BRD4: variants seen among roughly 807,000 people sequenced by gnomAD.
BRD4 encodes the protein bromodomain-containing protein 4.
BRD4 carries 16 observed loss-of-function variants against 142.1 expected under a neutral mutation model. That is an observed-to-expected ratio of 0.11 (90% CI 0.08 to 0.17). The LOEUF is 0.17. Ranked by LOEUF, BRD4 falls within the 10% of genes least tolerant of loss-of-function variation. The pLI is 1.00. For missense variants in BRD4, 1,424 were observed against 1,810.9 expected, an observed-to-expected ratio of 0.79 and a Z score of 3.88; for synonymous variants, 833 against 707.5, an observed-to-expected ratio of 1.18 and a Z score of -2.82.
intron 3 of BRD4, 126 bp from the exon 4 acceptor site, chr19:15,267,677 G>T (rs980802550): frequency 2.8e-6 from 3 of 1,082,462 alleles, no homozygotes; most frequent in Non-Finnish European, 3.9e-6. Context: ...GTCCTTCCCC[G>T]ATCTGCACCC....
Position 15,235,600 on chromosome 19 carries a change from A to G in BRD4, c.*2777T>C, listed in dbSNP as rs1440534104. On this transcript the variant is annotated 3_prime_UTR_variant, in exon 20 of 20. Transcript: ENST00000679869. ...AAAAAAACCTTTCGTATGTAAGTGA[A>G]AAGTCTACGAATTCCCTTCTACAAA... 6.6e-6 allele frequency: 1 copy of G among 152,194 alleles called. No homozygotes were observed. Among genetic ancestry groups the G allele is most frequent in the Non-Finnish European group, 1.5e-5 (1 of 68,048 alleles). The allele number at this position is 152,194 out of a possible 1,614,324, so 9.4% of individuals were successfully genotyped here. A position where few individuals can be genotyped will look rare whatever the true frequency, so the allele number is the denominator to read the frequency against.
chr19:15,315,751 G>A (rs1318513258), intron 1 of BRD4, among the ~76,000 whole-genome samples: 2 of 152,012 alleles, frequency 1.3e-5, no homozygotes, highest in African/African-American at 2.4e-5. Flanking sequence ...AGCTACTTGG[G>A]AGGCTGAGGC....
intron 12 of BRD4, 48 bp from the exon 13 acceptor site, chr19:15,244,648 A>G (rs1241134281): frequency 6.2e-7 from 1 of 1,613,924 alleles, no homozygotes; most frequent in East Asian, 2.2e-5. Context: ...TCAGGCAGGC[A>G]GAACTGGCCC....
chr19:15,261,908 AAAAGTAG>A (rs143729706), intron 7 of BRD4, among the ~76,000 whole-genome samples: 4,444 of 152,300 alleles, frequency 0.029, 164 homozygotes, highest in African/African-American at 0.086. Context: ...ATAAATAAAA[AAAAGTAG>A]AAATAAAAAG....
intron 14 of BRD4, among the ~76,000 whole-genome samples, chr19:15,241,407 C>T (rs892720427): frequency 1.3e-5 from 2 of 152,240 alleles, no homozygotes; most frequent in Non-Finnish European, 2.9e-5. Context: ...TCACGGATGA[C>T]TCCTGAAAGC....
rs199836000 is a variant in BRD4, at chr19:15,254,143, T to A, written c.2158+9A>T. On this transcript the variant is annotated intron_variant, in intron 11 of 19. Transcript: ENST00000679869. The stretch of plus-strand genomic sequence containing the variant: ...TTTGGTAAGACACGTAGAACACAAG[T>A]CACCTAACCTGTTTCGGAGTCTTCG... The A allele has an allele frequency of 1.1e-4, 180 of 1,611,532 alleles. No individual in the cohort carries two copies. The highest frequency in any genetic ancestry group is 1.4e-4 in the Non-Finnish European group (168 of 1,177,810).
At chr19:15,317,632 G>A (rs1265300716) in intron 1 of BRD4, among the ~76,000 whole-genome samples, 1 of 152,058 alleles carries the variant, frequency 6.6e-6, no homozygotes, top group Admixed American at 6.6e-5. Flanking sequence ...TGGTGGTGGT[G>A]GTGGTGGTGG....
intron 5 of BRD4, 128 bp downstream of exon 5, chr19:15,265,226 A>T: frequency 1.0e-6 from 1 of 968,166 alleles, no homozygotes; most frequent in Non-Finnish European, 1.5e-6. Flanking sequence ...CAATTTCAAC[A>T]CAGCAAGATC....
chr19:15,256,328 A>C (rs2047408414), intron 8 of BRD4, 65 bp from the exon 9 acceptor site: 1 of 1,566,998 alleles, frequency 6.4e-7, no homozygotes, highest in Non-Finnish European at 8.6e-7. Context: ...CCCAAGACCC[A>C]GGCGTCTGCT....
At chr19:15,303,765 T>C (rs569593652) in intron 1 of BRD4, among the ~76,000 whole-genome samples, 2 of 152,188 alleles carry the variant, frequency 1.3e-5, no homozygotes, top group Non-Finnish European at 2.9e-5. Context: ...TTAACTGTAA[T>C]GCGATAACCA....
chr19:15,253,633 C>T (rs1460221784), intron 11 of BRD4: 1 of 1,596,610 alleles, frequency 6.3e-7, no homozygotes, highest in African/African-American at 1.3e-5. Flanking sequence ...GATGGCAGGG[C>T]CAGCAGCAGA....
chr19:15,245,276 C>T (rs1016347318), intron 11 of BRD4, among the ~76,000 whole-genome samples: 37 of 152,218 alleles, frequency 2.4e-4, no homozygotes, highest in Admixed American at 1.9e-3. Context: ...CTCTAAGGCC[C>T]ACTCCTTTCC....
chr19:15,322,259 GGTTTTGTTTT>G (rs756245664), intron 1 of BRD4, among the ~76,000 whole-genome samples: 4 of 152,044 alleles, frequency 2.6e-5, no homozygotes, highest in East Asian at 1.9e-4. Context: ...CATGACCCAT[GGTTTTGTTTT>G]GTTTTGTTTT....
intron 1 of BRD4, among the ~76,000 whole-genome samples, chr19:15,304,824 T>A (rs1172216166): frequency 6.6e-6 from 1 of 152,032 alleles, no homozygotes; most frequent in Non-Finnish European, 1.5e-5. Flanking sequence ...AATCGGTAAT[T>A]CATCTAAGGT....
Position 15,239,326 on chromosome 19 carries a change from G to T in BRD4, c.3577-62C>A. The T allele has an allele frequency of 6.2e-7, 1 of 1,614,062 alleles. No homozygotes were observed. Among genetic ancestry groups the T allele is most frequent in the Non-Finnish European group, 8.5e-7 (1 of 1,180,018 alleles). On this transcript the variant is annotated intron_variant, in intron 17 of 19. Transcript: ENST00000679869. This position sits in a 1 kb window ranked among gnomAD's most constrained non-coding sequence, Gnocchi z 7.4. ...GCTGTGCCTAAAGGGCATAGCTGGGGGTGTGCCCAGCATGGCACCTTCCAG... is the reference window on the plus strand; with the variant it reads ...GCTGTGCCTAAAGGGCATAGCTGGGTGTGTGCCCAGCATGGCACCTTCCAG...
intron 1 of BRD4, among the ~76,000 whole-genome samples, chr19:15,278,347 A>C (rs1456212046): frequency 6.6e-6 from 1 of 151,750 alleles, no homozygotes; most frequent in East Asian, 1.9e-4. Flanking sequence ...CCAGCCTGCC[A>C]ATCTGGTGAA....
chr19:15,311,010 G>A (rs536393116), intron 1 of BRD4, among the ~76,000 whole-genome samples: 137 of 151,978 alleles, frequency 9.0e-4, no homozygotes, highest in Non-Finnish European at 1.1e-3. Context: ...AAGCAAGATG[G>A]CCAGGAGCAG....
In BRD4 at chr19:15,277,790, C is replaced by CAAAA. The variant is rs777923946; in HGVS notation, c.-34-4661_-34-4658dup. On this transcript the variant is annotated intron_variant, in intron 1 of 19. Transcript: ENST00000679869. The stretch of plus-strand genomic sequence containing the variant: ...GGGCAACACAGCAAGACTCCGTCTC[C>CAAAA]AAAACAAAACAAAACAAAACAAAAA... Among the ~76,000 whole-genome samples, 56 of 108,996 alleles carry CAAAA rather than the reference C, an allele frequency of 5.1e-4. 1 individual carries two copies. In the South Asian group the frequency reaches 0.01, roughly 20 times the overall value. 71.5% of individuals were successfully genotyped at this position (108,996 alleles called of 152,430 possible). A position where few individuals can be genotyped will look rare whatever the true frequency, so the allele number is the denominator to read the frequency against.
At chr19:15,325,442 G>A (rs2048098987) in intron 1 of BRD4, among the ~76,000 whole-genome samples, 1 of 152,114 alleles carries the variant, frequency 6.6e-6, no homozygotes, top group Non-Finnish European at 1.5e-5. Flanking sequence ...TTGATTTCAG[G>A]AAACAAAGTC....
Sources: allele counts gnomAD v4.1 joint callset (sites outside exome capture counted in the v4.1 genomes callset), GRCh38; gene constraint gnomAD v4.1.1; non-coding constraint Gnocchi (gnomAD v3.1); transcripts MANE v1.5; gene names NCBI Gene and HGNC (gene_info 2026-07-23, HGNC 2026-07-21).